Variants in SERGEF observed in about 807,000 individuals in gnomAD.
SERGEF encodes secretion regulating guanine nucleotide exchange factor.
Under a neutral mutation model 50.0 loss-of-function variants are expected in SERGEF, and 51 were observed. That is an observed-to-expected ratio of 1.02 (90% CI 0.81 to 1.29). The LOEUF (loss-of-function observed/expected upper bound fraction) is 1.29. Among genes scored for constraint, SERGEF ranks in the 50% most tolerant of loss-of-function variants. The pLI, the probability that SERGEF is intolerant of heterozygous loss-of-function variation, is 0.00. For missense variants in SERGEF, 521 were observed against 557.0 expected (o/e 0.94, Z 0.65); for synonymous variants, 205 against 212.4 (o/e 0.97, Z 0.30).
intron 9 of SERGEF, among the ~76,000 whole-genome samples, chr11:17,958,578 AAC>A (rs1242136126): frequency 1.3e-5 from 2 of 152,210 alleles, no homozygotes; most frequent in Non-Finnish European, 2.9e-5. Context: ...GGGAAAAATA[AAC>A]ACGAGTATAA....
Position 17,788,175 on chromosome 11 carries a change from T to A in SERGEF, c.1287A>T (p.Lys429Asn), listed in dbSNP as rs1302744699. The A allele has an allele frequency of 6.2e-7, 1 of 1,600,762 alleles. No individual in the cohort carries two copies. Among genetic ancestry groups the A allele is most frequent in the African/African-American group, 1.3e-5 (1 of 74,826 alleles). ...TCCAGTTTCTCTCTTTGTCCATGGC[T>A]TTCTGAGATTCAGTGTCCTCGATGG... ...PDAIEDTESQ[K>N]AMDKERNWKE... Residue 429 changes from lysine to asparagine, a missense_variant, in exon 11 of 11, where the codon AAA becomes AAT. Lys to Asn is a moderately conservative substitution (Grantham distance 94, BLOSUM62 0). Transcript: ENST00000265965.
At chr11:17,865,013 C>T (rs1418520797) in intron 10 of SERGEF, among the ~76,000 whole-genome samples, 6 of 152,100 alleles carry the variant, frequency 3.9e-5, no homozygotes, top group African/African-American at 9.7e-5. Flanking sequence ...CCATATGGAT[C>T]GAAGATTTAG....
intron 8 of SERGEF, among the ~76,000 whole-genome samples, chr11:17,967,834 A>G (rs1050014228): frequency 6.6e-6 from 1 of 152,210 alleles, no homozygotes; most frequent in African/African-American, 2.4e-5. Context: ...CTCTGCCCCC[A>G]GCTCACAATG....
chr11:17,993,870 G>T (rs771623565), intron 6 of SERGEF, among the ~76,000 whole-genome samples: 4 of 152,142 alleles, frequency 2.6e-5, no homozygotes, highest in Non-Finnish European at 5.9e-5. Context: ...GACGAAAAGT[G>T]AAAGACTTTG....
In SERGEF at chr11:17,869,366, C is replaced by T. The variant is rs79611474; in HGVS notation, c.1048+8842G>A. ...CCTAATCTCCCTAATATGTAAAGAA[C>T]ACCTAGACATTTATTAGAAAAAGAC... On this transcript the variant is annotated intron_variant, in intron 10 of 10. Transcript: ENST00000265965. Among the ~76,000 whole-genome samples the T allele has an allele frequency of 0.015, 2,273 of 152,266 alleles. 180 individuals carry two copies. The East Asian group carries it at 0.24, about 16-fold the overall frequency.
intron 10 of SERGEF, among the ~76,000 whole-genome samples, chr11:17,799,280 G>A (rs79628123): frequency 9.1e-4 from 138 of 152,078 alleles, no homozygotes; most frequent in Non-Finnish European, 1.6e-3. Context: ...GGCCACATTC[G>A]CTGCTTTGGA....
chr11:17,984,797 A>G (rs1853561707), intron 8 of SERGEF, among the ~76,000 whole-genome samples: 1 of 152,172 alleles, frequency 6.6e-6, no homozygotes, highest in Admixed American at 6.5e-5. Flanking sequence ...CTACCTTGCC[A>G]TTTACTTATT....
chr11:17,836,723 C>G (rs1401826429), intron 10 of SERGEF, among the ~76,000 whole-genome samples: 2 of 152,186 alleles, frequency 1.3e-5, no homozygotes, highest in Non-Finnish European at 2.9e-5. Flanking sequence ...CTGGAATGCT[C>G]TCTTGCCTAA....
At chr11:17,846,256 T>C (rs925704362) in intron 10 of SERGEF, among the ~76,000 whole-genome samples, 33 of 152,224 alleles carry the variant, frequency 2.2e-4, no homozygotes, top group African/African-American at 8.0e-4. Flanking sequence ...AACAAGCTCA[T>C]GTCCACCTGT....
chr11:17,878,328 TAACATCCATTTTTGGCAAAATTTAGG>T, intron 9 of SERGEF, 84 bp from the exon 10 acceptor site: 1 of 1,119,360 alleles, frequency 8.9e-7, no homozygotes, highest in Non-Finnish European at 1.3e-6. Flanking sequence ...CTAATGACAC[TAACATCCATTTTTGGCAAAATTTAGG>T]AAGGAAATAG....
intron 9 of SERGEF, among the ~76,000 whole-genome samples, chr11:17,929,046 A>G (rs931241034): frequency 2.6e-5 from 4 of 152,216 alleles, no homozygotes; most frequent in Non-Finnish European, 5.9e-5. Context: ...TATGTCATAA[A>G]CTAGGAATTT....
At chr11:17,850,553 G>A (rs904118071) in intron 10 of SERGEF, among the ~76,000 whole-genome samples, 1 of 152,214 alleles carries the variant, frequency 6.6e-6, no homozygotes, top group Non-Finnish European at 1.5e-5. Context: ...GTCACTTAAA[G>A]AGAATTTAAT....
rs148422289 is a variant in SERGEF, at chr11:17,957,584, C to A, written c.1011+1886G>T. Among the ~76,000 whole-genome samples the A allele has an allele frequency of 4.7e-3, 722 of 152,166 alleles. 7 individuals carry two copies. Among genetic ancestry groups the A allele is most frequent in the African/African-American group, 0.016 (670 of 41,516 alleles). On this transcript the variant is annotated intron_variant, in intron 9 of 10. Coordinates refer to ENST00000265965, the MANE Select transcript of SERGEF (RefSeq NM_012139.4). ...CAATACTAGTTTAAATACTGCATTCCCTTATTCACTACTGGTAGAGCCAAC... is the reference window on the plus strand; with the variant it reads ...CAATACTAGTTTAAATACTGCATTCACTTATTCACTACTGGTAGAGCCAAC...
At chr11:17,896,719 GGGTAAC>G (rs1181058889) in intron 9 of SERGEF, among the ~76,000 whole-genome samples, 1 of 130,928 alleles carries the variant, frequency 7.6e-6, no homozygotes, top group Non-Finnish European at 1.6e-5. Flanking sequence ...GGTAAGGGAA[GGGTAAC>G]GGAAGGGTAA....
chr11:17,883,710 G>A (rs1851376780), intron 9 of SERGEF, among the ~76,000 whole-genome samples: 2 of 152,136 alleles, frequency 1.3e-5, no homozygotes, highest in African/African-American at 4.8e-5. Context: ...CATCTGGCAA[G>A]CCCAGTGCCA....
chr11:18,007,975 G>T lies in SERGEF; in HGVS notation c.162C>A (p.Ile54=). The change falls in exon 2 of 11, where the codon ATC becomes ATA. Residue 54 remains isoleucine (I), a synonymous_variant. Transcript: ENST00000265965. ...DFCKPRSVRR[I]TGGGGHSAVV... The stretch of plus-strand genomic sequence containing the variant: ...CTGCAGAGTGGCCCCCTCCTCCTGT[G>T]ATCCTCCTGACACTCCTGGGTTTAC... 1 of 1,613,818 alleles carries T rather than the reference G, an allele frequency of 6.2e-7. No individual in the cohort carries two copies. The highest frequency in any genetic ancestry group is 1.1e-5 in the South Asian group (1 of 90,996).
intron 10 of SERGEF, among the ~76,000 whole-genome samples, chr11:17,824,442 G>A (rs1227428725): frequency 6.6e-6 from 1 of 152,164 alleles, no homozygotes; most frequent in African/African-American, 2.4e-5. Flanking sequence ...GAAATAATTA[G>A]GGCCCTTGAT....
intron 1 of SERGEF, among the ~76,000 whole-genome samples, chr11:18,008,890 G>T (rs935026230): frequency 2.0e-5 from 3 of 152,068 alleles, no homozygotes; most frequent in African/African-American, 7.2e-5. Context: ...TCCAGGAGAA[G>T]CTGCTCACAG....
At chr11:17,987,409 C>G (rs1023491758) in intron 8 of SERGEF, among the ~76,000 whole-genome samples, 5 of 152,162 alleles carry the variant, frequency 3.3e-5, no homozygotes, top group Non-Finnish European at 7.4e-5. Context: ...TACAAACATA[C>G]AAAACCCAGC....
Sources: gnomAD v4.1 joint callset for allele counts (sites outside exome capture counted in the v4.1 genomes callset) on GRCh38, gnomAD v4.1.1 for gene constraint, MANE v1.5 for transcripts, NCBI Gene and HGNC (gene_info 2026-07-23, HGNC 2026-07-21) for gene names.